The following SMG6 variants were observed in gnomAD, a reference collection of about 807,000 sequenced individuals.
SMG6 encodes the protein telomerase-binding protein EST1A.
A neutral mutation model predicts 142.2 loss-of-function variants in SMG6; 66 were observed. That is an observed-to-expected ratio of 0.46 (90% confidence interval 0.38 to 0.57). SMG6 has a LOEUF of 0.57. Among genes scored for constraint, SMG6 ranks in the 20% least tolerant of loss-of-function variants. SMG6 has a pLI of 0.00. For missense variants in SMG6, 1,793 were observed against 1,832.0 expected (o/e 0.98, Z 0.39); for synonymous variants, 779 against 702.4 (o/e 1.11, Z -1.72).
chr17:2,120,156 G>T (rs1484572103), intron 13 of SMG6, among the ~76,000 whole-genome samples: 1 of 152,086 alleles, frequency 6.6e-6, no homozygotes, highest in South Asian at 2.1e-4. Context: ...TCATCACTTG[G>T]GATTTTTAGC....
At chr17:2,223,545 A>G (rs2073236166) in intron 10 of SMG6, among the ~76,000 whole-genome samples, 1 of 152,214 alleles carries the variant, frequency 6.6e-6, no homozygotes, top group South Asian at 2.1e-4. Context: ...TGACTAATGG[A>G]AAGGATTTCA....
chr17:2,188,998 T>C (rs2072078939), intron 10 of SMG6, among the ~76,000 whole-genome samples: 1 of 152,204 alleles, frequency 6.6e-6, no homozygotes, highest in Non-Finnish European at 1.5e-5. Flanking sequence ...AATGATCTTC[T>C]TGAATCACCA....
chr17:2,203,899 G>A (rs1210350838), intron 10 of SMG6, among the ~76,000 whole-genome samples: 1 of 152,130 alleles, frequency 6.6e-6, no homozygotes, highest in African/African-American at 2.4e-5. Context: ...GCAGGCAGAG[G>A]GGCAGGGAAG....
At chr17:2,265,871 C>T (rs2074413630) in intron 8 of SMG6, 6 of 443,216 alleles carry the variant, frequency 1.4e-5, no homozygotes, top group Non-Finnish European at 1.5e-5. Context: ...ATAAACAACA[C>T]CAATAATGCA....
chr17:2,285,668 CT>C (rs1019896769), intron 6 of SMG6, among the ~76,000 whole-genome samples: 2 of 151,932 alleles, frequency 1.3e-5, no homozygotes, highest in Non-Finnish European at 2.9e-5. Context: ...GTGAGACCCT[CT>C]TTTCTTTTTT....
At chr17:2,080,239 CA>C (rs2068378519) in intron 15 of SMG6, among the ~76,000 whole-genome samples, 1 of 151,360 alleles carries the variant, frequency 6.6e-6, no homozygotes, top group African/African-American at 2.4e-5. Context: ...GCACACACAG[CA>C]AAACCCTGTC....
intron 15 of SMG6, among the ~76,000 whole-genome samples, chr17:2,077,024 C>T (rs943805086): frequency 6.6e-6 from 1 of 152,200 alleles, no homozygotes; most frequent in East Asian, 1.9e-4. Context: ...AAACACCAAG[C>T]TCCAGAAGCG....
At chr17:2,139,099 A>G (rs7212589) in intron 13 of SMG6, among the ~76,000 whole-genome samples, 52,891 of 152,028 alleles carry the variant, frequency 0.35, 9,945 homozygotes, top group African/African-American at 0.49. Context: ...GACGAAAGTC[A>G]TATTAAAAGA....
At chr17:2,303,607 C>A in intron 1 of SMG6, 26 bp downstream of exon 1, 1 of 1,424,518 alleles carries the variant, frequency 7.0e-7, no homozygotes, top group Non-Finnish European at 9.2e-7. Context: ...GCAGGCCCGG[C>A]CCAGGAGCTG....
intron 10 of SMG6, among the ~76,000 whole-genome samples, chr17:2,190,538 AGTT>A (rs1249802395): frequency 6.6e-6 from 1 of 152,228 alleles, no homozygotes; most frequent in South Asian, 2.1e-4. Context: ...TGTCTCTCAG[AGTT>A]CAAGGTGGGG....
chr17:2,134,477 A>T (rs2070229375), intron 13 of SMG6, among the ~76,000 whole-genome samples: 1 of 151,034 alleles, frequency 6.6e-6, no homozygotes, highest in Non-Finnish European at 1.5e-5. Context: ...TGTAGTGGAA[A>T]TCAAATGAAA....
chr17:2,088,351 C>T (rs2151441302), intron 13 of SMG6: 1 of 985,400 alleles, frequency 1.0e-6, no homozygotes, highest in Non-Finnish European at 1.2e-6. Context: ...ATCCTGAGGC[C>T]ACCTGCAGCA....
intron 9 of SMG6, among the ~76,000 whole-genome samples, chr17:2,240,409 G>A (rs1018358936): frequency 6.6e-6 from 1 of 151,514 alleles, no homozygotes; most frequent in Admixed American, 6.6e-5. Flanking sequence ...TTTAAAAAAC[G>A]AGCAAGATAC....
intron 12 of SMG6, among the ~76,000 whole-genome samples, chr17:2,179,525 C>T (rs1346525112): frequency 3.3e-5 from 5 of 152,014 alleles, no homozygotes; most frequent in African/African-American, 1.2e-4. Context: ...CTCCAGTGTG[C>T]TCTGTAGACT....
chr17:2,114,102 T>C (rs1385965306), intron 13 of SMG6, among the ~76,000 whole-genome samples: 1 of 152,076 alleles, frequency 6.6e-6, no homozygotes, highest in African/African-American at 2.4e-5. Flanking sequence ...ACCCCGTCTC[T>C]ACTAAAAAAA....
At chr17:2,253,151 ATTTATTTT>A (rs1254543125) in intron 8 of SMG6, among the ~76,000 whole-genome samples, 80 of 147,670 alleles carry the variant, frequency 5.4e-4, no homozygotes, top group African/African-American at 1.1e-3. Flanking sequence ...TTATTTATTT[ATTTATTTT>A]GAGATGGAGT....
chr17:2,127,808 T>A, intron 13 of SMG6: 3 of 550,396 alleles, frequency 5.5e-6, no homozygotes, highest in Non-Finnish European at 3.6e-6. Flanking sequence ...TCCAAAGTAA[T>A]CATATCGTTT....
At chr17:2,124,395 T>C (rs2069803713) in intron 13 of SMG6, among the ~76,000 whole-genome samples, 1 of 152,238 alleles carries the variant, frequency 6.6e-6, no homozygotes, top group Non-Finnish European at 1.5e-5. Flanking sequence ...TATTCTAGCC[T>C]CTTTTCAGGA....
intron 10 of SMG6, among the ~76,000 whole-genome samples, chr17:2,202,828 G>A (rs767632515): frequency 2.0e-5 from 3 of 152,188 alleles, no homozygotes; most frequent in Non-Finnish European, 4.4e-5. Flanking sequence ...AGGTCACACA[G>A]CTGGCAAGTG....
Sources: gnomAD v4.1 joint callset for allele counts (sites outside exome capture counted in the v4.1 genomes callset) on GRCh38, gnomAD v4.1.1 for gene constraint, MANE v1.5 for transcripts, NCBI Gene and HGNC (gene_info 2026-07-23, HGNC 2026-07-21) for gene names.